Variants in PTPRD observed in about 807,000 individuals in gnomAD.
PTPRD encodes the protein receptor-type tyrosine-protein phosphatase delta.
Under a neutral mutation model 214.5 loss-of-function variants are expected in PTPRD, and 34 were observed. The ratio of observed to expected loss-of-function variants is 0.16; its 90% CI spans 0.12 to 0.21. PTPRD has a LOEUF of 0.21. PTPRD is among the 10% of genes least tolerant of loss of function. The pLI, the probability that PTPRD is intolerant of heterozygous loss-of-function variation, is 1.00. For synonymous variants in PTPRD, 1,128 were observed against 845.7 expected, an observed-to-expected ratio of 1.33 and a Z score of -5.79; for missense variants, 2,545 against 2,398.7, an observed-to-expected ratio of 1.06 and a Z score of -1.27.
At chr9:10,355,247 A>T (rs1403480265) in intron 2 of PTPRD, among the ~76,000 whole-genome samples, 2 of 152,074 alleles carry the variant, frequency 1.3e-5, no homozygotes, top group Non-Finnish European at 1.5e-5. Context: ...ATTGTGTGAA[A>T]TTTGTCTTCT....
chr9:10,230,802 T>C (rs752401543), intron 3 of PTPRD, among the ~76,000 whole-genome samples: 1 of 152,110 alleles, frequency 6.6e-6, no homozygotes, highest in Non-Finnish European at 1.5e-5. Context: ...TTGTTACTTA[T>C]ATGCATTTAT....
At chr9:9,759,979 G>A (rs1028054554) in intron 6 of PTPRD, among the ~76,000 whole-genome samples, 6 of 152,014 alleles carry the variant, frequency 3.9e-5, no homozygotes, top group Non-Finnish European at 8.8e-5. Context: ...ACCTGGTGTT[G>A]TACATTTTGC....
intron 3 of PTPRD, among the ~76,000 whole-genome samples, chr9:10,292,091 T>G (rs531362266): frequency 1.3e-5 from 2 of 152,214 alleles, no homozygotes; most frequent in East Asian, 3.9e-4. Flanking sequence ...GCGTTAATCC[T>G]AACCCAGGAA....
intron 8 of PTPRD, among the ~76,000 whole-genome samples, chr9:9,498,594 A>T (rs1256008030): frequency 5.9e-5 from 9 of 152,112 alleles, no homozygotes; most frequent in African/African-American, 1.7e-4. Context: ...GGTTGAGAAA[A>T]GAAAAATTTT....
intron 3 of PTPRD, among the ~76,000 whole-genome samples, chr9:10,313,417 C>CACACACACACACAT (rs1378031777): frequency 6.6e-6 from 1 of 151,616 alleles, no homozygotes; most frequent in African/African-American, 2.4e-5. Context: ...CACACACACA[C>CACACACACACACAT]AAATTTTTAA....
chr9:9,426,186 G>T (rs1367323600), intron 8 of PTPRD, among the ~76,000 whole-genome samples: 1 of 152,144 alleles, frequency 6.6e-6, no homozygotes, highest in East Asian at 1.9e-4. Flanking sequence ...GACAGCACCT[G>T]GAATATTGGG....
intron 43 of PTPRD, among the ~76,000 whole-genome samples, chr9:8,337,687 G>C (rs533406433): frequency 6.6e-6 from 1 of 151,788 alleles, no homozygotes; most frequent in African/African-American, 2.4e-5. Flanking sequence ...AGCAACTTCC[G>C]GTTTCAATCT....
At chr9:8,605,602 C>T (rs895404763) in intron 14 of PTPRD, among the ~76,000 whole-genome samples, 3 of 152,216 alleles carry the variant, frequency 2.0e-5, no homozygotes, top group Admixed American at 6.5e-5. Context: ...TGGAAGCCTC[C>T]ATCTCTACAT....
At chr9:9,846,076 G>T (rs558274279) in intron 5 of PTPRD, among the ~76,000 whole-genome samples, 2 of 152,092 alleles carry the variant, frequency 1.3e-5, no homozygotes, top group East Asian at 1.9e-4. Flanking sequence ...GGCATGGAAA[G>T]TAACTTTCTA....
chr9:9,738,958 T>G (rs1464648207), intron 6 of PTPRD, among the ~76,000 whole-genome samples: 2 of 152,204 alleles, frequency 1.3e-5, no homozygotes, highest in Admixed American at 6.5e-5. Context: ...TTACCAGACA[T>G]GGTATTTTTA....
At chr9:8,740,602 T>G (rs1226604851) in intron 11 of PTPRD, among the ~76,000 whole-genome samples, 1 of 152,098 alleles carries the variant, frequency 6.6e-6, no homozygotes, top group Non-Finnish European at 1.5e-5. Flanking sequence ...CACCTCTGAA[T>G]AAAATAGTCA....
chr9:10,379,677 AAAGTAT>A (rs1274698920), intron 2 of PTPRD, among the ~76,000 whole-genome samples: 1 of 152,074 alleles, frequency 6.6e-6, no homozygotes, highest in African/African-American at 2.4e-5. Context: ...ATTTCCTTAA[AAAGTAT>A]AAGTAAAAAT....
rs1257232743 is a variant in PTPRD at position 8,436,654 on chromosome 9, G to C, written c.4024C>G (p.Leu1342Val). ...ASHPPIPILE[L>V]ADHIERLKAN... ...TTCAATCTTTCAATGTGGTCTGCAA[G>C]TTCCAAGATGGGTATTGGAGGATGG... Residue 1342 changes from leucine to valine, a missense_variant, in exon 35 of 46, where the codon CTT becomes GTT. Physicochemically the swap from Leu to Val is conservative, Grantham distance 32 (BLOSUM62 1). Coordinates refer to ENST00000381196, the MANE Select transcript of PTPRD (RefSeq NM_002839.4). 4 of 1,613,454 alleles carry C rather than the reference G, an allele frequency of 2.5e-6. No homozygotes were observed. Among genetic ancestry groups the C allele is most frequent in the Non-Finnish European group, 3.4e-6 (4 of 1,179,722 alleles).
intron 11 of PTPRD, among the ~76,000 whole-genome samples, chr9:8,933,004 C>A (rs895919358): frequency 6.6e-6 from 1 of 152,090 alleles, no homozygotes; most frequent in Non-Finnish European, 1.5e-5. Flanking sequence ...GGTGTAGGCA[C>A]CAGAGAGAAT....
rs948057139 is a variant in PTPRD, at chr9:8,703,584, T to G, written c.64+30196A>C. Among the ~76,000 whole-genome samples, 9 of 152,278 alleles carry G rather than the reference T, an allele frequency of 5.9e-5. No homozygotes were observed. In the South Asian group the frequency reaches 6.2e-4, roughly 11 times the overall value. ...CCTGGATTTTCCTCCAACTCTATTG[T>G]TTTTCTTTCTCTTTTCTCCTGTTTC... On this transcript the variant is annotated intron_variant, in intron 12 of 45. Coordinates refer to ENST00000381196, the MANE Select transcript of PTPRD (RefSeq NM_002839.4).
intron 8 of PTPRD, among the ~76,000 whole-genome samples, chr9:9,559,688 T>C (rs974727116): frequency 9.2e-5 from 14 of 152,350 alleles, no homozygotes; most frequent in Middle Eastern, 3.4e-3. Flanking sequence ...GAAAGTCCAC[T>C]GTTGCCCTCC....
chr9:8,778,587 C>A (rs949441941), intron 11 of PTPRD, among the ~76,000 whole-genome samples: 1 of 152,170 alleles, frequency 6.6e-6, no homozygotes, highest in South Asian at 2.1e-4. Flanking sequence ...CCAAGCTCCA[C>A]AGGACCAATT....
intron 9 of PTPRD, among the ~76,000 whole-genome samples, chr9:9,250,477 T>A (rs1293001700): frequency 6.6e-6 from 1 of 152,108 alleles, no homozygotes; most frequent in East Asian, 1.9e-4. Context: ...CTGCCATTAA[T>A]CATGTTTCTT....
chr9:10,070,562 A>G (rs2097985329), intron 3 of PTPRD, among the ~76,000 whole-genome samples: 1 of 152,026 alleles, frequency 6.6e-6, no homozygotes, highest in South Asian at 2.1e-4. Flanking sequence ...TAACAACATT[A>G]TATTTGAATA....
Sources: allele counts gnomAD v4.1 joint callset (sites outside exome capture counted in the v4.1 genomes callset), GRCh38; gene constraint gnomAD v4.1.1; transcripts MANE v1.5; gene names NCBI Gene and HGNC (gene_info 2026-07-23, HGNC 2026-07-21).